DNAI7: variants seen among roughly 807,000 people sequenced by gnomAD.
DNAI7 encodes cancer susceptibility 1.
DNAI7 carries 78 observed loss-of-function variants against 86.6 expected under a neutral mutation model. The ratio of observed to expected loss-of-function variants is 0.90; its 90% confidence interval spans 0.75 to 1.09. The LOEUF (loss-of-function observed/expected upper bound fraction) is 1.09, where lower values mean the gene tolerates loss of function less well. Among genes scored for constraint, DNAI7 ranks in the 50% least tolerant of loss-of-function variants. The pLI is 0.00. For synonymous variants in DNAI7, 274 were observed against 273.0 expected, an observed-to-expected ratio of 1.00 and a Z score of -0.04; for missense variants, 753 against 810.2, an observed-to-expected ratio of 0.93 and a Z score of 0.86.
chr12:25,155,183 T>A, intron 5 of DNAI7, 128 bp downstream of exon 5: 1 of 515,288 alleles, frequency 1.9e-6, no homozygotes, highest in South Asian at 3.3e-5. Flanking sequence ...CCATAAGCAA[T>A]CAATTTGTCA....
intron 1 of DNAI7, among the ~76,000 whole-genome samples, chr12:25,193,881 G>A (rs553882521): frequency 4.2e-4 from 63 of 150,800 alleles, no homozygotes; most frequent in Middle Eastern, 3.5e-3. Flanking sequence ...GAGTGCAGTG[G>A]CACAATCTCG....
chr12:25,158,566 A>G lies in DNAI7; in HGVS notation c.107-3T>C, dbSNP rs1280864695. 6.2e-7 allele frequency: 1 copy of G among 1,608,448 alleles called. No homozygotes were observed. Among genetic ancestry groups the G allele is most frequent in the East Asian group, 2.2e-5 (1 of 44,754 alleles). On this transcript the variant is annotated splice_polypyrimidine_tract_variant and splice_region_variant and intron_variant, in intron 3 of 15. Coordinates refer to ENST00000395987, the MANE Select transcript of DNAI7 (RefSeq NM_018272.5). ...CTCATATTTCAAACGGGCTTCCTCT[A>G]AAGAACCAAAAATAATTTTTTTCTC...
At chr12:25,130,981 C>T (rs994781454) in intron 9 of DNAI7, among the ~76,000 whole-genome samples, 1 of 152,054 alleles carries the variant, frequency 6.6e-6, no homozygotes, top group South Asian at 2.1e-4. Context: ...ATACTAAATA[C>T]TTGTTATTTG....
chr12:25,189,417 G>C (rs535502542), intron 2 of DNAI7, among the ~76,000 whole-genome samples: 1 of 152,196 alleles, frequency 6.6e-6, no homozygotes, highest in Non-Finnish European at 1.5e-5. Context: ...GAGGCCGGCA[G>C]ATCACTTGAG....
In DNAI7 at chr12:25,195,129, G is replaced by C; in HGVS notation, c.-51C>G. The C allele has an allele frequency of 6.3e-7, 1 of 1,588,780 alleles. No individual in the cohort carries two copies. Among genetic ancestry groups the C allele is most frequent in the Non-Finnish European group, 8.6e-7 (1 of 1,157,322 alleles). ...TCCGCAGAGTCGGAGCAGAAATTGT[G>C]TGGACAAACGCTCCCGGGTTGCCCG... On this transcript the variant is annotated 5_prime_UTR_variant, in exon 1 of 16. Coordinates refer to ENST00000395987, the MANE Select transcript of DNAI7 (RefSeq NM_018272.5).
chr12:25,186,294 A>C (rs947723479), intron 2 of DNAI7, among the ~76,000 whole-genome samples: 1 of 152,204 alleles, frequency 6.6e-6, no homozygotes, highest in Non-Finnish European at 1.5e-5. Flanking sequence ...GGCAACTTTG[A>C]AATCTGCGTA....
At chr12:25,145,784 A>C (rs529682667) in intron 8 of DNAI7, among the ~76,000 whole-genome samples, 1 of 152,308 alleles carries the variant, frequency 6.6e-6, no homozygotes, top group South Asian at 2.1e-4. Context: ...ATACTAATGC[A>C]AGTAACTTAA....
At chr12:25,113,938 G>GTTTT (rs112532652) in intron 13 of DNAI7, among the ~76,000 whole-genome samples, 1,203 of 82,548 alleles carry the variant, frequency 0.015, 60 homozygotes, top group African/African-American at 0.041. Flanking sequence ...TTCTTTCTGG[G>GTTTT]TTTTTTTTTT....
chr12:25,126,133 G>A (rs2140520641), intron 9 of DNAI7, among the ~76,000 whole-genome samples: 2 of 152,282 alleles, frequency 1.3e-5, no homozygotes, highest in South Asian at 4.1e-4. Context: ...TCTAATGTGA[G>A]TGAAAGTGAA....
At chr12:25,141,722 C>T (rs2140807408) in intron 9 of DNAI7, among the ~76,000 whole-genome samples, 1 of 152,186 alleles carries the variant, frequency 6.6e-6, no homozygotes, top group African/African-American at 2.4e-5. Flanking sequence ...CCCAGCTACT[C>T]AGGAGTCTCA....
chr12:25,178,191 T>C lies in DNAI7; in HGVS notation c.21+12423A>G, dbSNP rs148077961. Reference sequence around the variant, plus strand: ...TGTATTAAGTGTGAAATTATTTCTTTACCTCTGAATGAAAAACTAGCATAT... The same window carrying C: ...TGTATTAAGTGTGAAATTATTTCTTCACCTCTGAATGAAAAACTAGCATAT... On this transcript the variant is annotated intron_variant, in intron 2 of 15. Coordinates refer to ENST00000395987, the MANE Select transcript of DNAI7 (RefSeq NM_018272.5). Among the ~76,000 whole-genome samples the C allele has an allele frequency of 5.9e-3, 904 of 152,336 alleles. 13 individuals carry two copies. Among genetic ancestry groups the C allele is most frequent in the African/African-American group, 0.021 (877 of 41,580 alleles).
At chr12:25,180,323 C>T (rs1231892640) in intron 2 of DNAI7, among the ~76,000 whole-genome samples, 1 of 152,044 alleles carries the variant, frequency 6.6e-6, no homozygotes, top group Admixed American at 6.6e-5. Flanking sequence ...TCCATGCTCA[C>T]GGATTAGAAG....
chr12:25,193,359 A>G (rs990012430), intron 1 of DNAI7, among the ~76,000 whole-genome samples: 19 of 152,172 alleles, frequency 1.2e-4, no homozygotes, highest in Admixed American at 1.1e-3. Flanking sequence ...CCATGTGAAG[A>G]ATGAAGTTTT....
At chr12:25,156,667 G>C (rs146533268) in intron 4 of DNAI7, among the ~76,000 whole-genome samples, 4 of 151,752 alleles carry the variant, frequency 2.6e-5, no homozygotes, top group Admixed American at 1.3e-4. Context: ...CCTGAACCTG[G>C]GACGTGGAGG....
rs1943740000 is a variant in DNAI7, at chr12:25,137,972, G to A, written c.1002+6393C>T. The stretch of plus-strand genomic sequence containing the variant: ...GGACTCCAATACTTCAACACTGACA[G>A]CACTAGACAGGTCATCAAGACAGAA... On this transcript the variant is annotated intron_variant, in intron 9 of 15. Coordinates refer to ENST00000395987, the MANE Select transcript of DNAI7 (RefSeq NM_018272.5). 2.0e-5 allele frequency among the ~76,000 whole-genome samples: 3 copies of A among 151,418 alleles called. 1 individual carries two copies. The South Asian group carries it at 6.3e-4, about 32-fold the overall frequency.
rs773810837 is a variant in DNAI7, at chr12:25,119,155, C to G, written c.1386G>C (p.Trp462Cys). 2 of 1,599,460 alleles carry G rather than the reference C, an allele frequency of 1.3e-6. No homozygotes were observed. The highest frequency in any genetic ancestry group is 2.3e-5 in the South Asian group (2 of 87,042). The change falls in exon 12 of 16, where the codon TGG becomes TGC. Residue 462 changes from tryptophan (W) to cysteine (C), a missense_variant. Coordinates refer to ENST00000395987, the MANE Select transcript of DNAI7 (RefSeq NM_018272.5). ...TTATAAAAGCTGTACCTTCAGCATC[C>G]CACCTTACAACCACAGGATCCTCAA... ...IFFEDPVVVR[W>C]DAEGKHWRTD...
rs1002120180 is a variant in DNAI7 at position 25,121,813 on chromosome 12, G to C, written c.1179C>G (p.His393Gln). ...CQFTTLGGVY[H>Q]LDILELPPQC... is the part of the protein sequence containing the mutation. ...GTGGAGGAAGCTCCAAAATATCCAA[G>C]TGGTATACTCCACCCAGAGTTGTGA... Residue 393 changes from histidine to glutamine, a missense_variant, in exon 11 of 16, where the codon CAC becomes CAG. Physicochemically the swap from His to Gln is conservative, Grantham distance 24. Transcript: ENST00000395987. 3.7e-6 allele frequency: 6 copies of C among 1,607,334 alleles called. No individual in the cohort carries two copies. In the East Asian group the frequency reaches 1.3e-4, roughly 36 times the overall value.
intron 13 of DNAI7, among the ~76,000 whole-genome samples, chr12:25,113,065 G>T (rs1401112004): frequency 6.6e-6 from 1 of 152,148 alleles, no homozygotes. Flanking sequence ...GGTCGTCAGG[G>T]CTGCTGGAAT....
At chr12:25,158,290 C>G (rs1346875074) in intron 4 of DNAI7, among the ~76,000 whole-genome samples, 182 bp downstream of exon 4, 1 of 152,012 alleles carries the variant, frequency 6.6e-6, no homozygotes, top group East Asian at 1.9e-4. Flanking sequence ...CTTAATTTCT[C>G]TATGCCTCAA....
Sources: gnomAD v4.1 joint callset for allele counts (sites outside exome capture counted in the v4.1 genomes callset) on GRCh38, gnomAD v4.1.1 for gene constraint, MANE v1.5 for transcripts, NCBI Gene and HGNC (gene_info 2026-07-23, HGNC 2026-07-21) for gene names.